COL22A1: variants seen among roughly 807,000 people sequenced by gnomAD.
COL22A1 encodes the protein collagen alpha-1(XXII) chain.
COL22A1 carries 221 observed loss-of-function variants against 248.9 expected under a neutral mutation model. That is an observed-to-expected ratio of 0.89 (90% CI 0.80 to 0.99). The LOEUF (loss-of-function observed/expected upper bound fraction) is 0.99. Among genes scored for constraint, COL22A1 ranks in the 50% least tolerant of loss-of-function variants. The pLI is 0.00. For missense variants in COL22A1, 2,240 were observed against 2,179.0 expected, an observed-to-expected ratio of 1.03 and a Z score of -0.56; for synonymous variants, 891 against 793.4, an observed-to-expected ratio of 1.12 and a Z score of -2.07.
chr8:138,902,733 TATATATACACACACACACACACAC>T (rs1222233562), intron 1 of COL22A1, among the ~76,000 whole-genome samples: 1 of 91,566 alleles, frequency 1.1e-5, no homozygotes, highest in African/African-American at 4.2e-5. Flanking sequence ...TAAATATATA[TATATATACACACACACACACACAC>T]ACACACACAC....
intron 52 of COL22A1, among the ~76,000 whole-genome samples, chr8:138,621,445 G>T (rs540247020): frequency 5.9e-5 from 9 of 152,148 alleles, no homozygotes; most frequent in African/African-American, 2.2e-4. Context: ...CTGATTCAGG[G>T]GATCACCTCC....
intron 12 of COL22A1, among the ~76,000 whole-genome samples, chr8:138,787,460 G>A (rs1815634481): frequency 6.6e-6 from 1 of 152,212 alleles, no homozygotes; most frequent in Non-Finnish European, 1.5e-5. Flanking sequence ...ACAAGGAGGA[G>A]GAGTACCTCT....
intron 25 of COL22A1, among the ~76,000 whole-genome samples, chr8:138,722,786 C>T (rs1829971498): frequency 6.9e-6 from 1 of 145,786 alleles, no homozygotes; most frequent in Admixed American, 7.4e-5. Context: ...CCTTCCACTA[C>T]ACCAGAGACA....
intron 30 of COL22A1, 44 bp from the exon 31 acceptor site, chr8:138,703,391 C>G: frequency 6.4e-7 from 1 of 1,561,286 alleles, no homozygotes; most frequent in Middle Eastern, 1.7e-4. Context: ...ATCTTCCTCC[C>G]AACTCTGCTT....
chr8:138,759,856 G>A (rs560065780), intron 18 of COL22A1, among the ~76,000 whole-genome samples: 1 of 152,070 alleles, frequency 6.6e-6, no homozygotes, highest in African/African-American at 2.4e-5. Flanking sequence ...GAAAAGAAGA[G>A]GAAGAGAAAA....
chr8:138,774,172 G>T (rs920503671), intron 16 of COL22A1, among the ~76,000 whole-genome samples: 1 of 152,080 alleles, frequency 6.6e-6, no homozygotes, highest in Non-Finnish European at 1.5e-5. Context: ...AAGTTAAAAT[G>T]ATTAAAATTT....
At chr8:138,818,258 G>A (rs1341694851) in intron 7 of COL22A1, among the ~76,000 whole-genome samples, 3 of 152,154 alleles carry the variant, frequency 2.0e-5, no homozygotes, top group African/African-American at 7.2e-5. Context: ...GTAGAACCAT[G>A]GAGCTCACAG....
intron 2 of COL22A1, among the ~76,000 whole-genome samples, chr8:138,881,680 G>T (rs1397780033): frequency 6.6e-6 from 1 of 152,198 alleles, no homozygotes; most frequent in Non-Finnish European, 1.5e-5. Context: ...GCGAGACTCC[G>T]TCTCTAAAAA....
chr8:138,592,379 T>C (rs1235694604), intron 63 of COL22A1, among the ~76,000 whole-genome samples: 1 of 152,230 alleles, frequency 6.6e-6, no homozygotes, highest in African/African-American at 2.4e-5. Context: ...CAATTGAAAT[T>C]CTGCTGGTTC....
chr8:138,649,097 G>A (rs1179175873), intron 46 of COL22A1, among the ~76,000 whole-genome samples: 1 of 152,126 alleles, frequency 6.6e-6, no homozygotes, highest in Non-Finnish European at 1.5e-5. Flanking sequence ...TATTTCCCCA[G>A]CACCCATGAA....
chr8:138,649,843 G>A (rs1203114261), intron 45 of COL22A1, 65 bp from the exon 46 acceptor site: 1 of 1,014,824 alleles, frequency 9.9e-7, no homozygotes, highest in African/African-American at 1.6e-5. Flanking sequence ...TCAAAGCAAA[G>A]CAAAGTAGCC....
intron 9 of COL22A1, among the ~76,000 whole-genome samples, chr8:138,808,399 CTA>C (rs1451896876): frequency 3.9e-5 from 6 of 152,160 alleles, no homozygotes; most frequent in Non-Finnish European, 8.8e-5. Context: ...GGGGTATTCA[CTA>C]GCTATTTTTA....
intron 3 of COL22A1, among the ~76,000 whole-genome samples, chr8:138,861,242 G>A (rs1014713230): frequency 6.6e-6 from 1 of 152,132 alleles, no homozygotes; most frequent in South Asian, 2.1e-4. Flanking sequence ...GGAGCAAGGA[G>A]GTTAGATCTC....
chr8:138,712,687 AAGTATTCTACAAACAGAGAG>A (rs1829086051), intron 30 of COL22A1, among the ~76,000 whole-genome samples: 9 of 152,078 alleles, frequency 5.9e-5, no homozygotes, highest in Admixed American at 2.0e-4. Flanking sequence ...AGCAGAGGGT[AAGTATTCTACAAACAGAGAG>A]TGAGGGTTCT....
chr8:138,753,479 C>T (rs1321985033), intron 21 of COL22A1, among the ~76,000 whole-genome samples: 4 of 152,132 alleles, frequency 2.6e-5, no homozygotes, highest in African/African-American at 7.2e-5. Flanking sequence ...CGGGGAACCC[C>T]GTGGGGCATC....
chr8:138,890,251 C>G (rs1381734615), intron 1 of COL22A1, among the ~76,000 whole-genome samples: 1 of 152,132 alleles, frequency 6.6e-6, no homozygotes. Flanking sequence ...TAAAGGCCAT[C>G]TATGAAAAAT....
At chr8:138,883,806 A>G (rs1824429868) in intron 1 of COL22A1, among the ~76,000 whole-genome samples, 1 of 152,198 alleles carries the variant, frequency 6.6e-6, no homozygotes, top group Admixed American at 6.5e-5. Flanking sequence ...AGCCATGCGG[A>G]ACAATGAGTC....
chr8:138,744,585 C>G (rs1426284253), intron 22 of COL22A1, among the ~76,000 whole-genome samples: 1 of 152,150 alleles, frequency 6.6e-6, no homozygotes, highest in Non-Finnish European at 1.5e-5. Context: ...AGTACCCTCA[C>G]TACCTACAGC....
intron 17 of COL22A1, among the ~76,000 whole-genome samples, chr8:138,760,600 A>T (rs1010153571): frequency 1.3e-5 from 2 of 152,242 alleles, no homozygotes; most frequent in African/African-American, 4.8e-5. Context: ...AAGAAGAAGC[A>T]CATAACCAGG....
Sources: gnomAD v4.1 joint callset for allele counts (sites outside exome capture counted in the v4.1 genomes callset) on GRCh38, gnomAD v4.1.1 for gene constraint, MANE v1.5 for transcripts, NCBI Gene and HGNC (gene_info 2026-07-23, HGNC 2026-07-21) for gene names.